The following MRPS5 variants were observed in gnomAD, a reference collection of about 807,000 sequenced individuals.
MRPS5 encodes small ribosomal subunit protein uS5m.
Under a neutral mutation model 51.9 loss-of-function variants are expected in MRPS5, and 27 were observed. That is an observed-to-expected ratio of 0.52 (90% CI 0.38 to 0.72). The LOEUF (loss-of-function observed/expected upper bound fraction) is 0.72, where lower values mean the gene tolerates loss of function less well. Among genes scored for constraint, MRPS5 ranks in the 30% least tolerant of loss-of-function variants. The pLI, the probability that MRPS5 is intolerant of heterozygous loss-of-function variation, is 0.00. For missense variants in MRPS5, 570 were observed against 545.7 expected (o/e 1.04, Z -0.44); for synonymous variants, 196 against 193.2 (o/e 1.01, Z -0.12).
rs372879753 is a variant in MRPS5 at position 95,115,085 on chromosome 2, T to C, written c.258A>G (p.Pro86=). 1.1e-5 allele frequency: 18 copies of C among 1,577,822 alleles called. No homozygotes were observed. Among genetic ancestry groups the C allele is most frequent in the Non-Finnish European group, 1.5e-5 (17 of 1,167,254 alleles). Residue 86 remains proline (P), a synonymous_variant, in exon 3 of 12, where the codon CCA becomes CCG. Coordinates refer to ENST00000272418, the MANE Select transcript of MRPS5 (RefSeq NM_031902.5). ...ACATACATTTAGTGAAGAAACTATATGGTCTATACTGCTGGCTCATCAGGT... is the reference window on the plus strand; with the variant it reads ...ACATACATTTAGTGAAGAAACTATACGGTCTATACTGCTGGCTCATCAGGT... ...PSHLMSQQYR[P]YSFFTKLTAD... is the part of the protein sequence containing the mutation.
rs546912688 is a variant in MRPS5, at chr2:95,099,710, A to C, written c.931+764T>G. On this transcript the variant is annotated intron_variant, in intron 10 of 11. Coordinates refer to ENST00000272418, the MANE Select transcript of MRPS5 (RefSeq NM_031902.5). Reference sequence around the variant, plus strand: ...TTTAAATGATTAATTATGGCTTTAAAGCAGAAGGCAAGTTCTAGTGCATTA... The same window carrying C: ...TTTAAATGATTAATTATGGCTTTAACGCAGAAGGCAAGTTCTAGTGCATTA... Among the ~76,000 whole-genome samples the C allele has an allele frequency of 1.0e-3, 156 of 152,344 alleles. 1 individual carries two copies. Among genetic ancestry groups the C allele is most frequent in the Middle Eastern group, 3.4e-3 (1 of 294 alleles).
intron 6 of MRPS5, among the ~76,000 whole-genome samples, chr2:95,106,118 T>G (rs746173853): frequency 4.6e-5 from 7 of 152,034 alleles, no homozygotes; most frequent in Non-Finnish European, 8.8e-5. Flanking sequence ...AATTCAAACA[T>G]AGACTCCCAA....
intron 6 of MRPS5, among the ~76,000 whole-genome samples, chr2:95,105,959 G>C (rs576126056): frequency 6.6e-6 from 1 of 152,220 alleles, no homozygotes; most frequent in East Asian, 1.9e-4. Context: ...ACCTGATACA[G>C]ACTTTAGTTT....
At chr2:95,108,785 T>C (rs938759001) in intron 4 of MRPS5, among the ~76,000 whole-genome samples, 1 of 152,150 alleles carries the variant, frequency 6.6e-6, no homozygotes, top group African/African-American at 2.4e-5. Context: ...ACTCTCTAGG[T>C]TCTGATGTGG....
At position 95,089,166 on chromosome 2, in the gene MRPS5, A is replaced by G. The variant is rs190987478; in HGVS notation, c.1068+1220T>C. 3.3e-5 allele frequency among the ~76,000 whole-genome samples: 5 copies of G among 152,294 alleles called. 1 individual carries two copies. The highest frequency in any genetic ancestry group is 3.3e-4 in the Admixed American group (5 of 15,290). On this transcript the variant is annotated intron_variant, in intron 11 of 11. Coordinates refer to ENST00000272418, the MANE Select transcript of MRPS5 (RefSeq NM_031902.5). ...AATCAACATCTTAATTAAACCTCTA[A>G]TGTTTCAATTTACAAGTGCTCTGAA...
At chr2:95,095,399 T>C (rs1282317655) in intron 10 of MRPS5, among the ~76,000 whole-genome samples, 1 of 152,136 alleles carries the variant, frequency 6.6e-6, no homozygotes, top group African/African-American at 2.4e-5. Flanking sequence ...CAACAGAACA[T>C]ACATTCTTCT....
At chr2:95,121,285 C>CA (rs1310879181) in intron 1 of MRPS5, among the ~76,000 whole-genome samples, 1 of 152,190 alleles carries the variant, frequency 6.6e-6, no homozygotes, top group Non-Finnish European at 1.5e-5. Context: ...TTCGAAACTA[C>CA]AAACGGTGGA....
intron 4 of MRPS5, among the ~76,000 whole-genome samples, chr2:95,108,757 A>G (rs1254257831): frequency 6.6e-6 from 1 of 152,196 alleles, no homozygotes; most frequent in Non-Finnish European, 1.5e-5. Flanking sequence ...CTCTGCACTA[A>G]ATCAAAAGAA....
At chr2:95,119,230 T>C (rs3112992) in intron 1 of MRPS5, among the ~76,000 whole-genome samples, 86,478 of 151,936 alleles carry the variant, frequency 0.57, 25,090 homozygotes, top group Non-Finnish European at 0.62. Flanking sequence ...AAAGAAAACA[T>C]ATACAAATGG....
rs756382856 is a variant in MRPS5, at chr2:95,121,765, G to A, written c.27C>T (p.Gly9=). Residue 9 remains glycine (G), a synonymous_variant, in exon 1 of 12, where the codon GGC becomes GGT. Coordinates refer to ENST00000272418, the MANE Select transcript of MRPS5 (RefSeq NM_031902.5). MATAVRAV[G]CLPVLCSGTA... is the part of the protein sequence containing the mutation. ...TCCCGCTACACAGCACGGGGAGGCA[G>A]CCCACAGCGCGCACCGCGGTCGCCA... 7.1e-6 allele frequency: 11 copies of A among 1,552,974 alleles called. No individual in the cohort carries two copies. The African/African-American group carries it at 1.3e-4, about 18-fold the overall frequency.
chr2:95,120,743 T>C (rs1326716252), intron 1 of MRPS5, among the ~76,000 whole-genome samples: 2 of 152,190 alleles, frequency 1.3e-5, no homozygotes, highest in African/African-American at 4.8e-5. Flanking sequence ...CAGCAGTATA[T>C]ACCTCATGAA....
At chr2:95,120,350 C>A (rs1392282237) in intron 1 of MRPS5, among the ~76,000 whole-genome samples, 1 of 152,178 alleles carries the variant, frequency 6.6e-6, no homozygotes, top group African/African-American at 2.4e-5. Context: ...CAAAAGACTA[C>A]ATATTACATG....
At chr2:95,107,141 T>G (rs1183467833) in intron 5 of MRPS5, among the ~76,000 whole-genome samples, 9 of 152,250 alleles carry the variant, frequency 5.9e-5, no homozygotes, top group Non-Finnish European at 1.3e-4. Flanking sequence ...TATGTATACA[T>G]TAGTCAGCTT....
At chr2:95,098,264 T>C (rs543209848) in intron 10 of MRPS5, among the ~76,000 whole-genome samples, 232 of 152,280 alleles carry the variant, frequency 1.5e-3, no homozygotes, top group African/African-American at 5.1e-3. Flanking sequence ...AGTTCGACCA[T>C]TGTGGAAGAT....
intron 7 of MRPS5, 64 bp downstream of exon 7, chr2:95,104,576 A>AT (rs778911243): frequency 1.3e-6 from 2 of 1,540,514 alleles, no homozygotes; most frequent in Non-Finnish European, 1.8e-6. Context: ...GCTCCACAGC[A>AT]TGGCCCGTGC....
chr2:95,110,788 C>G (rs1244062113), intron 3 of MRPS5, among the ~76,000 whole-genome samples: 1 of 152,076 alleles, frequency 6.6e-6, no homozygotes, highest in African/African-American at 2.4e-5. Context: ...GAGTGAGACC[C>G]TGCCTTCAAA....
At chr2:95,108,448 A>C in intron 4 of MRPS5, 40 bp from the exon 5 acceptor site, 4 of 1,525,682 alleles carry the variant, frequency 2.6e-6, no homozygotes, top group Non-Finnish European at 3.6e-6. Flanking sequence ...TTGTTAAAGT[A>C]CTCATTTTTC....
chr2:95,092,592 G>A (rs1675500577), intron 10 of MRPS5: 1 of 152,152 alleles, frequency 6.6e-6, no homozygotes, highest in Non-Finnish European at 1.5e-5. Flanking sequence ...TACTGTTTTA[G>A]CTTCAAAATC....
rs536510348 is a variant in MRPS5 at position 95,108,276 on chromosome 2, C to T, written c.536G>A (p.Trp179Ter). 12 of 1,614,162 alleles carry T rather than the reference C, an allele frequency of 7.4e-6. No homozygotes were observed. The Admixed American group carries it at 1.2e-4, about 16-fold the overall frequency. Residue 179 changes from tryptophan (W) to a stop codon, truncating the protein, a stop_gained, in exon 5 of 12, where the codon TGG becomes TAG. Coordinates refer to ENST00000272418, the MANE Select transcript of MRPS5 (RefSeq NM_031902.5). LOFTEE classifies it high-confidence loss of function. ...EADMIQQREEWDRKKKMKVKR... is the reference protein window; with the variant it reads ...EADMIQQREE ...AACCTTCATCTTCTTCTTTCGGTCC[C>T]ACTCTTCTCTCTGCTGGATCATGTC...
Sources: allele counts gnomAD v4.1 joint callset (sites outside exome capture counted in the v4.1 genomes callset), GRCh38; gene constraint gnomAD v4.1.1; transcripts MANE v1.5; gene names NCBI Gene and HGNC (gene_info 2026-07-23, HGNC 2026-07-21).